SAA4: variants seen among roughly 807,000 people sequenced by gnomAD.
SAA4 encodes the protein serum amyloid A-4 protein.
Under a neutral mutation model 11.2 loss-of-function variants are expected in SAA4, and 8 were observed. The ratio of observed to expected loss-of-function variants is 0.71; its 90% CI spans 0.42 to 1.29. SAA4 has a LOEUF of 1.29. SAA4 is among the 50% of genes most tolerant of loss of function. The pLI, the probability that SAA4 is intolerant of heterozygous loss-of-function variation, is 0.01. For synonymous variants in SAA4, 60 were observed against 56.2 expected, an observed-to-expected ratio of 1.07 and a Z score of -0.30; for missense variants, 171 against 164.2, an observed-to-expected ratio of 1.04 and a Z score of -0.23.
chr11:18,235,576 A>C (rs2925145), intron 2 of SAA4, among the ~76,000 whole-genome samples: 67,766 of 151,944 alleles, frequency 0.45, 16,029 homozygotes, highest in East Asian at 0.85. Context: ...AGTGGGAGAT[A>C]ACCCCCTGGA....
intron 1 of SAA4, among the ~76,000 whole-genome samples, chr11:18,236,454 G>T (rs1229305460): frequency 6.6e-6 from 1 of 152,122 alleles, no homozygotes; most frequent in African/African-American, 2.4e-5. Context: ...TTAAGAAGAA[G>T]CATAAACCCT....
chr11:18,235,051 T>C (rs1857189988), intron 2 of SAA4, among the ~76,000 whole-genome samples: 1 of 152,204 alleles, frequency 6.6e-6, no homozygotes, highest in Non-Finnish European at 1.5e-5. Flanking sequence ...TATTCTCTAC[T>C]ATGTGCAGAA....
At position 18,232,386 on chromosome 11, in the gene SAA4, CTG is replaced by C. The variant is rs1202154600; in HGVS notation, c.230+7_230+8del. ...GCCTCTCACTGGAGTCCCCGGGAAT[CTG>C]TGTTACCTGATGAGTTTAGCAGCCC... On this transcript the variant is annotated splice_region_variant and intron_variant, in intron 3 of 3. Transcript: ENST00000278222. 2 of 1,613,406 alleles carry C rather than the reference CTG, an allele frequency of 1.2e-6. No individual in the cohort carries two copies. Among genetic ancestry groups the C allele is most frequent in the South Asian group, 1.1e-5 (1 of 90,864 alleles).
At chr11:18,232,860 C>A (rs1474334524) in intron 2 of SAA4, among the ~76,000 whole-genome samples, 1 of 151,716 alleles carries the variant, frequency 6.6e-6, no homozygotes, top group Admixed American at 6.6e-5. Flanking sequence ...AATTGGTTGG[C>A]AGTTGTCATG....
In SAA4 at chr11:18,231,673, C is replaced by A; in HGVS notation, c.231-9G>T. The A allele has an allele frequency of 6.2e-7, 1 of 1,607,408 alleles. No homozygotes were observed. Among genetic ancestry groups the A allele is most frequent in the Admixed American group, 1.7e-5 (1 of 58,780 alleles). ...GATAGACCCTGGAACGGCTGCAACC[C>A]AAAGAAAGGAGACAGGAGATTAATC... On this transcript the variant is annotated splice_polypyrimidine_tract_variant and intron_variant, in intron 3 of 3. Coordinates refer to ENST00000278222, the MANE Select transcript of SAA4 (RefSeq NM_006512.4).
intron 3 of SAA4, 22 bp from the exon 4 acceptor site, chr11:18,231,686 C>A: frequency 6.2e-7 from 1 of 1,601,544 alleles, no homozygotes; most frequent in Non-Finnish European, 8.5e-7. Flanking sequence ...AGAAAGGAGA[C>A]AGGAGATTAA....
In SAA4 at chr11:18,231,372, T is replaced by A. The variant is rs986673726; in HGVS notation, c.*130A>T. 3 of 1,367,300 alleles carry A rather than the reference T, an allele frequency of 2.2e-6. No homozygotes were observed. Among genetic ancestry groups the A allele is most frequent in the Admixed American group, 4.9e-5 (2 of 40,842 alleles). The allele number at this position is 1,367,300 out of a possible 1,614,324, so 84.7% of individuals were successfully genotyped here. ...CCAACAAATTCAATTTGACAAACAT[T>A]TATTGAACACCTCTAGGTGCCCTAT... On this transcript the variant is annotated 3_prime_UTR_variant, in exon 4 of 4. Transcript: ENST00000278222.
intron 3 of SAA4, 29 bp from the exon 4 acceptor site, chr11:18,231,693 T>C (rs1857137502): frequency 1.3e-5 from 21 of 1,595,996 alleles, no homozygotes; most frequent in Non-Finnish European, 1.7e-5. Flanking sequence ...AGACAGGAGA[T>C]TAATCTCTTG....
At chr11:18,235,406 C>T (rs1857194879) in intron 2 of SAA4, among the ~76,000 whole-genome samples, 2 of 152,124 alleles carry the variant, frequency 1.3e-5, no homozygotes, top group Admixed American at 1.3e-4. Context: ...CTCTGCATCC[C>T]AAGCATTGGC....
Position 18,232,499 on chromosome 11 carries a change from T to G in SAA4, c.126A>C (p.Ile42=), listed in dbSNP as rs1330320064. ...VGDMGRAYWD[I]MISNHQNSNR... is the part of the protein sequence containing the mutation. The stretch of plus-strand genomic sequence containing the variant: ...TTGAATTTTGGTGATTGGATATCAT[T>G]ATGTCCCAATAGGCTCTGCCCATGT... The change falls in exon 3 of 4, where the codon ATA becomes ATC. Residue 42 remains isoleucine, a synonymous_variant. Transcript: ENST00000278222. 1.9e-6 allele frequency: 3 copies of G among 1,614,182 alleles called. No individual in the cohort carries two copies. In the East Asian group the frequency reaches 6.7e-5, roughly 36 times the overall value.
chr11:18,235,314 G>A (rs1188588816), intron 2 of SAA4, among the ~76,000 whole-genome samples: 6 of 151,950 alleles, frequency 3.9e-5, no homozygotes, highest in Non-Finnish European at 7.4e-5. Context: ...TTTCCCAGCC[G>A]TATCTCAGCC....
intron 2 of SAA4, 91 bp from the exon 3 acceptor site, chr11:18,232,624 C>T: frequency 6.6e-7 from 1 of 1,522,254 alleles, no homozygotes; most frequent in South Asian, 1.3e-5. Context: ...AGATTTTGGC[C>T]CTTGACAAAA....
At position 18,231,395 on chromosome 11, in the gene SAA4, T is replaced by A; in HGVS notation, c.*107A>T. 1 of 1,503,306 alleles carries A rather than the reference T, an allele frequency of 6.7e-7. No homozygotes were observed. Among genetic ancestry groups the A allele is most frequent in the Non-Finnish European group, 8.9e-7 (1 of 1,120,216 alleles). 93.1% of individuals were successfully genotyped at this position (1,503,306 alleles called of 1,614,324 possible). On this transcript the variant is annotated 3_prime_UTR_variant, in exon 4 of 4. Coordinates refer to ENST00000278222, the MANE Select transcript of SAA4 (RefSeq NM_006512.4). ...ATTTATTGAACACCTCTAGGTGCCC[T>A]ATACCAGTTCCTGGGGACACAAAGC...
At position 18,231,646 on chromosome 11, in the gene SAA4, A is replaced by C; in HGVS notation, c.249T>G (p.Leu83=). The change falls in exon 4 of 4, where the codon CTT becomes CTG. Residue 83 remains leucine (L), a synonymous_variant. Coordinates refer to ENST00000278222, the MANE Select transcript of SAA4 (RefSeq NM_006512.4). The stretch of plus-strand genomic sequence containing the variant: ...ATAAATAGCAGTCTATTAATCCCTG[A>C]AGATAGACCCTGGAACGGCTGCAAC... The part of the protein sequence containing the change: ...AKLISRSRVY[L]QGLIDCYLFG... 1 of 1,613,376 alleles carries C rather than the reference A, an allele frequency of 6.2e-7. No individual in the cohort carries two copies.
chr11:18,234,837 G>T (rs1398776398), intron 2 of SAA4, among the ~76,000 whole-genome samples: 1 of 152,182 alleles, frequency 6.6e-6, no homozygotes, highest in Non-Finnish European at 1.5e-5. Context: ...AAAAACCCAA[G>T]ACAGTTGTTC....
In SAA4 at chr11:18,235,710, C is replaced by G. The variant is rs924944757; in HGVS notation, c.91+126G>C. The G allele has an allele frequency of 1.3e-5, 12 of 890,728 alleles. No homozygotes were observed. The African/African-American group carries it at 1.7e-4, about 13-fold the overall frequency. The allele number at this position is 890,728 out of a possible 1,614,324, so 55.2% of individuals were successfully genotyped here. ...ACCAGCCTAGAGGAAGAAACAGATACAGAAAACCACACTCCTGCTCTGACC... is the reference window on the plus strand; with the variant it reads ...ACCAGCCTAGAGGAAGAAACAGATAGAGAAAACCACACTCCTGCTCTGACC... On this transcript the variant is annotated intron_variant, in intron 2 of 3. Coordinates refer to ENST00000278222, the MANE Select transcript of SAA4 (RefSeq NM_006512.4).
At chr11:18,232,271 G>T in intron 3 of SAA4, 124 bp downstream of exon 3, 1 of 1,429,504 alleles carries the variant, frequency 7.0e-7, no homozygotes, top group Non-Finnish European at 9.4e-7. Flanking sequence ...CCTTGCTCTG[G>T]CTCTGCCAGC....
At chr11:18,236,578 G>C (rs1182679251) in intron 1 of SAA4, 139 bp downstream of exon 1, 2 of 152,194 alleles carry the variant, frequency 1.3e-5, no homozygotes, top group East Asian at 3.8e-4. Context: ...AGCATTTCCT[G>C]AGTTCCTACT....
In SAA4 at chr11:18,231,493, G is replaced by A. The variant is rs1307905774; in HGVS notation, c.*9C>T. 8.7e-6 allele frequency: 14 copies of A among 1,610,296 alleles called. No individual in the cohort carries two copies. The highest frequency in any genetic ancestry group is 1.3e-5 in the African/African-American group (1 of 74,766). On this transcript the variant is annotated 3_prime_UTR_variant, in exon 4 of 4. Transcript: ENST00000278222. ...GCCCAGTTTCCCTGAGAGCAGAGGA[G>A]CAGGAAGCTCAGTATTTCTTAGGCA...
Sources: allele counts gnomAD v4.1 joint callset (sites outside exome capture counted in the v4.1 genomes callset), GRCh38; gene constraint gnomAD v4.1.1; transcripts MANE v1.5; gene names NCBI Gene and HGNC (gene_info 2026-07-23, HGNC 2026-07-21).